TRPC1: variants seen among roughly 807,000 people sequenced by gnomAD.
The protein encoded by TRPC1 is short transient receptor potential channel 1.
TRPC1 carries 42 observed loss-of-function variants against 88.2 expected under a neutral mutation model. The observed-to-expected ratio is 0.48, with a 90% CI of 0.37 to 0.62. The LOEUF (loss-of-function observed/expected upper bound fraction) is 0.62. Among genes scored for constraint, TRPC1 ranks in the 20% least tolerant of loss-of-function variants. TRPC1 has a pLI of 0.00. For synonymous variants in TRPC1, 288 were observed against 331.8 expected (o/e 0.87, Z 1.43); for missense variants, 699 against 957.3 (o/e 0.73, Z 3.56).
At chr3:142,732,068 C>A (rs1368017336) in intron 1 of TRPC1, among the ~76,000 whole-genome samples, 1 of 152,072 alleles carries the variant, frequency 6.6e-6, no homozygotes, top group Admixed American at 6.6e-5. Flanking sequence ...ACTTTGTTGA[C>A]CCCTGTGCTA....
At chr3:142,765,807 A>T (rs1237760393) in intron 4 of TRPC1, among the ~76,000 whole-genome samples, 1 of 152,216 alleles carries the variant, frequency 6.6e-6, no homozygotes, top group Non-Finnish European at 1.5e-5. Flanking sequence ...ATGAGAGAAA[A>T]TATCTGCAAA....
chr3:142,752,537 C>T (rs1276998533), intron 4 of TRPC1, among the ~76,000 whole-genome samples: 1 of 152,120 alleles, frequency 6.6e-6, no homozygotes, highest in Non-Finnish European at 1.5e-5. Flanking sequence ...ATTCAGTTCC[C>T]AGGGGCAAGC....
chr3:142,773,582 T>G lies in TRPC1; in HGVS notation c.633-4050T>G, dbSNP rs1322005495. On this transcript the variant is annotated intron_variant, in intron 4 of 12. Transcript: ENST00000476941. Reference sequence around the variant, plus strand: ...TGACATCTGGTCACTCTGCAGGCAGTTTTTTTTTTTTTTTCCTTTAGGGGG... The same window carrying G: ...TGACATCTGGTCACTCTGCAGGCAGGTTTTTTTTTTTTTTCCTTTAGGGGG... 8.6e-5 allele frequency among the ~76,000 whole-genome samples: 8 copies of G among 93,266 alleles called. No individual in the cohort carries two copies. The East Asian group carries it at 2.2e-3, about 26-fold the overall frequency. 61.2% of individuals were successfully genotyped at this position (93,266 alleles called of 152,430 possible).
At chr3:142,774,576 G>A (rs1935690611) in intron 4 of TRPC1, among the ~76,000 whole-genome samples, 2 of 152,192 alleles carry the variant, frequency 1.3e-5, no homozygotes, top group African/African-American at 4.8e-5. Context: ...CTGGGGGCAG[G>A]GGTGATGGAG....
chr3:142,761,078 A>G (rs1212649544), intron 4 of TRPC1, among the ~76,000 whole-genome samples: 3 of 151,886 alleles, frequency 2.0e-5, no homozygotes, highest in African/African-American at 7.3e-5. Flanking sequence ...GATACTCTTT[A>G]TCTCTTTGTC....
chr3:142,766,616 G>A lies in TRPC1; in HGVS notation c.633-11016G>A, dbSNP rs188853479. On this transcript the variant is annotated intron_variant, in intron 4 of 12. Coordinates refer to ENST00000476941, the MANE Select transcript of TRPC1 (RefSeq NM_001251845.2). ...GGCTGGTCTCAAACTCCTGATCTCA[G>A]GTGATTCACCCACCTCGGCCTCCCA... 4.6e-5 allele frequency among the ~76,000 whole-genome samples: 7 copies of A among 151,968 alleles called. No individual in the cohort carries two copies. In the East Asian group the frequency reaches 9.7e-4, roughly 21 times the overall value.
At chr3:142,785,673 G>A (rs901070689) in intron 7 of TRPC1, among the ~76,000 whole-genome samples, 2 of 152,036 alleles carry the variant, frequency 1.3e-5, no homozygotes, top group Non-Finnish European at 2.9e-5. Context: ...GCTAATTTTT[G>A]TATTTTTAGT....
chr3:142,742,203 T>C (rs1484796138), intron 2 of TRPC1, among the ~76,000 whole-genome samples: 1 of 151,924 alleles, frequency 6.6e-6, no homozygotes, highest in Non-Finnish European at 1.5e-5. Flanking sequence ...AAATATTTAA[T>C]AGTAATGGAT....
chr3:142,746,869 C>T (rs1039905031), intron 3 of TRPC1, among the ~76,000 whole-genome samples: 2 of 150,344 alleles, frequency 1.3e-5, no homozygotes, highest in African/African-American at 4.9e-5. Flanking sequence ...AAAAAAAAAA[C>T]TGGTCATGGC....
At chr3:142,739,929 C>G (rs1031275900) in intron 2 of TRPC1, among the ~76,000 whole-genome samples, 1 of 152,198 alleles carries the variant, frequency 6.6e-6, no homozygotes, top group Non-Finnish European at 1.5e-5. Flanking sequence ...GGCTGCACAG[C>G]AGGAGGTAAG....
chr3:142,731,374 A>ATTTTTTTTTTT (rs59613066), intron 1 of TRPC1, among the ~76,000 whole-genome samples: 6 of 79,524 alleles, frequency 7.5e-5, no homozygotes, highest in African/African-American at 2.0e-4. Context: ...ATATGTTTTG[A>ATTTTTTTTTTT]TTTTTTTTTT....
intron 4 of TRPC1, among the ~76,000 whole-genome samples, chr3:142,769,408 G>A (rs994181117): frequency 2.0e-5 from 3 of 151,962 alleles, no homozygotes; most frequent in African/African-American, 7.3e-5. Flanking sequence ...GCGCAGGCTG[G>A]TCTTGAACTA....
At chr3:142,749,519 G>C (rs1934677031) in intron 4 of TRPC1, among the ~76,000 whole-genome samples, 1 of 152,124 alleles carries the variant, frequency 6.6e-6, no homozygotes, top group Admixed American at 6.5e-5. Flanking sequence ...ACAGGATATG[G>C]AGGTGGAAGA....
rs71153991 is a variant in TRPC1, at chr3:142,805,129, TACACACACACAC to T, written c.2154+529_2154+540del. On this transcript the variant is annotated intron_variant, in intron 12 of 12. Coordinates refer to ENST00000476941, the MANE Select transcript of TRPC1 (RefSeq NM_001251845.2). ...ACAAACAAACAAACAAATATATATA[TACACACACACAC>T]ACACACACACACACACACACACACA... Among the ~76,000 whole-genome samples the T allele has an allele frequency of 1.3e-3, 121 of 95,318 alleles. 1 individual carries two copies. The highest frequency in any genetic ancestry group is 7.4e-3 in the African/African-American group (108 of 14,500). 62.5% of individuals were successfully genotyped at this position (95,318 alleles called of 152,430 possible).
At chr3:142,804,761 C>A (rs1237536969) in intron 12 of TRPC1, 131 bp downstream of exon 12, 7 of 709,328 alleles carry the variant, frequency 9.9e-6, no homozygotes, top group Non-Finnish European at 1.6e-5. Flanking sequence ...TGCTATATAC[C>A]CTAATGTACG....
At chr3:142,786,233 A>G (rs1318494355) in intron 7 of TRPC1, among the ~76,000 whole-genome samples, 1 of 152,194 alleles carries the variant, frequency 6.6e-6, no homozygotes, top group African/African-American at 2.4e-5. Context: ...AGTCTTATCT[A>G]TGGCACAAAG....
chr3:142,752,694 G>A (rs1225846500), intron 4 of TRPC1, among the ~76,000 whole-genome samples: 5 of 152,296 alleles, frequency 3.3e-5, no homozygotes, highest in Admixed American at 6.5e-5. Flanking sequence ...CTATCACATG[G>A]GGAGAAACCT....
chr3:142,785,135 A>C, intron 7 of TRPC1, 95 bp downstream of exon 7: 4 of 1,077,342 alleles, frequency 3.7e-6, no homozygotes, highest in Non-Finnish European at 3.9e-6. Context: ...TCAATTTGCA[A>C]TTTTACACTG....
At chr3:142,745,944 A>T (rs1934535663) in intron 3 of TRPC1, among the ~76,000 whole-genome samples, 1 of 151,978 alleles carries the variant, frequency 6.6e-6, no homozygotes. Flanking sequence ...TTTAATAGAG[A>T]TGGGGTTTCA....
Sources: allele counts gnomAD v4.1 joint callset (sites outside exome capture counted in the v4.1 genomes callset), GRCh38; gene constraint gnomAD v4.1.1; transcripts MANE v1.5; gene names NCBI Gene and HGNC (gene_info 2026-07-23, HGNC 2026-07-21).